FNTB: variants seen among roughly 807,000 people sequenced by gnomAD.
FNTB encodes the protein farnesyltransferase, CAAX box, subunit beta.
Under a neutral mutation model 59.4 loss-of-function variants are expected in FNTB, and 27 were observed. The observed-to-expected ratio is 0.45, with a 90% CI of 0.34 to 0.63. FNTB has a LOEUF of 0.63. Among genes scored for constraint, FNTB ranks in the 20% least tolerant of loss-of-function variants. The pLI is 0.02. For synonymous variants in FNTB, 230 were observed against 220.7 expected (o/e 1.04, Z -0.37); for missense variants, 449 against 559.6 (o/e 0.80, Z 1.99).
At chr14:65,013,713 A>G (rs969738506) in intron 3 of FNTB, among the ~76,000 whole-genome samples, 1 of 151,994 alleles carries the variant, frequency 6.6e-6, no homozygotes, top group Admixed American at 6.6e-5. Flanking sequence ...ACGCCTGGCT[A>G]ATTTTTGTAT....
chr14:65,030,901 G>A lies in FNTB; in HGVS notation c.606-1709G>A, dbSNP rs971854846. ...TGGCTCACTGCAACCTCTGTCTCTGGGGTTCAAACGATTCTCCTGCCTCGG... is the reference window on the plus strand; with the variant it reads ...TGGCTCACTGCAACCTCTGTCTCTGAGGTTCAAACGATTCTCCTGCCTCGG... On this transcript the variant is annotated intron_variant, in intron 6 of 11. Coordinates refer to ENST00000246166, the MANE Select transcript of FNTB (RefSeq NM_002028.4). This position sits in a 1 kb window ranked among gnomAD's most constrained non-coding sequence, Gnocchi z 4.5. Among the ~76,000 whole-genome samples, 1 of 152,138 alleles carries A rather than the reference G, an allele frequency of 6.6e-6. No homozygotes were observed. Among genetic ancestry groups the A allele is most frequent in the African/African-American group, 2.4e-5 (1 of 41,430 alleles).
intron 2 of FNTB, chr14:65,006,302 G>GA (rs1407801010): frequency 1.2e-6 from 2 of 1,612,496 alleles, no homozygotes; most frequent in Admixed American, 1.7e-5. Flanking sequence ...AGGAAAGGAG[G>GA]AAAAATATCA....
chr14:65,052,484 G>A (rs890498213), intron 9 of FNTB, among the ~76,000 whole-genome samples: 9 of 152,074 alleles, frequency 5.9e-5, no homozygotes, highest in African/African-American at 1.4e-4. Context: ...ATTTTTAATC[G>A]ATTTCTATGC....
chr14:65,048,632 C>G (rs1354441437), intron 9 of FNTB, among the ~76,000 whole-genome samples: 3 of 152,168 alleles, frequency 2.0e-5, no homozygotes, highest in Non-Finnish European at 4.4e-5. Context: ...GCAGGAGGAC[C>G]TCTTGAGCTC....
In FNTB at chr14:65,053,352, G is replaced by C. The variant is rs2062654399; in HGVS notation, c.1067+3G>C. 2.1e-6 allele frequency: 3 copies of C among 1,422,812 alleles called. No individual in the cohort carries two copies. Among genetic ancestry groups the C allele is most frequent in the Non-Finnish European group, 9.3e-7 (1 of 1,080,182 alleles). 88.1% of individuals were successfully genotyped at this position (1,422,812 alleles called of 1,614,324 possible). ...GGGCTTCTGGATAAACCTGGCAAGT[G>C]AGTGTTTTCTCTCTGGGGAGGGAAG... On this transcript the variant is annotated splice_donor_region_variant and intron_variant, in intron 10 of 11. Transcript: ENST00000246166.
At position 65,014,094 on chromosome 14, in the gene FNTB, G is replaced by A. The variant is rs2061729830; in HGVS notation, c.283-1531G>A. ...GCATAGTTTTGAAGAGAGCAGCTTG[G>A]GCCAACGGAAAGAACACTGGATTGA... On this transcript the variant is annotated intron_variant, in intron 3 of 11. Transcript: ENST00000246166. This position sits in a 1 kb window ranked among gnomAD's most constrained non-coding sequence, Gnocchi z 5.1. Among the ~76,000 whole-genome samples, 1 of 152,140 alleles carries A rather than the reference G, an allele frequency of 6.6e-6. No homozygotes were observed. Among genetic ancestry groups the A allele is most frequent in the Non-Finnish European group, 1.5e-5 (1 of 68,032 alleles).
chr14:65,027,915 G>T lies in FNTB; in HGVS notation c.605+134G>T. The stretch of plus-strand genomic sequence containing the variant: ...GAATGACACATGGGATGACATGTCA[G>T]TGACACGTCAGAATCATTCAGATGT... On this transcript the variant is annotated intron_variant, in intron 6 of 11. Coordinates refer to ENST00000246166, the MANE Select transcript of FNTB (RefSeq NM_002028.4). This position sits in a 1 kb window ranked among gnomAD's most constrained non-coding sequence, Gnocchi z 5.7. 8.9e-7 allele frequency: 1 copy of T among 1,121,766 alleles called. No individual in the cohort carries two copies. Among genetic ancestry groups the T allele is most frequent in the South Asian group, 1.4e-5 (1 of 69,228 alleles). The allele number at this position is 1,121,766 out of a possible 1,614,324, so 69.5% of individuals were successfully genotyped here. A position where few individuals can be genotyped will look rare whatever the true frequency, so the allele number is the denominator to read the frequency against.
intron 9 of FNTB, among the ~76,000 whole-genome samples, chr14:65,048,719 G>A (rs965444544): frequency 2.0e-5 from 3 of 152,074 alleles, no homozygotes; most frequent in African/African-American, 7.2e-5. Context: ...ACCAGACATG[G>A]TGGCACATGC....
At chr14:65,016,574 G>C (rs1235042377) in intron 4 of FNTB, 1 of 152,184 alleles carries the variant, frequency 6.6e-6, no homozygotes, top group Non-Finnish European at 1.5e-5. Context: ...GGGACACACA[G>C]AGGCCTAGCC....
chr14:64,989,272 CAAA>C (rs58654871), intron 1 of FNTB, among the ~76,000 whole-genome samples: 4 of 69,936 alleles, frequency 5.7e-5, no homozygotes, highest in Non-Finnish European at 5.9e-5. Context: ...CTGTCTCTAC[CAAA>C]AAAAAAAAAA....
At position 64,997,351 on chromosome 14, in the gene FNTB, G is replaced by A. The variant is rs954014653; in HGVS notation, c.145-6898G>A. Among the ~76,000 whole-genome samples, 3 of 152,106 alleles carry A rather than the reference G, an allele frequency of 2.0e-5. No homozygotes were observed. Among genetic ancestry groups the A allele is most frequent in the Non-Finnish European group, 2.9e-5 (2 of 68,018 alleles). ...CCCACCCACAGGCTGACTCAGTGCC[G>A]GAGGACCATCTTCCTTCCACATCCC... On this transcript the variant is annotated intron_variant, in intron 1 of 11. Coordinates refer to ENST00000246166, the MANE Select transcript of FNTB (RefSeq NM_002028.4). This position sits in a 1 kb window ranked among gnomAD's most constrained non-coding sequence, Gnocchi z 4.5.
rs993532003 is a variant in FNTB at position 65,027,511 on chromosome 14, G to A, written c.433G>A (p.Gly145Ser). The change falls in exon 5 of 12, where the codon GGT becomes AGT. Residue 145 changes from glycine to serine, a missense_variant. By Grantham distance (56) the Gly-to-Ser change is moderately conservative. Coordinates refer to ENST00000246166, the MANE Select transcript of FNTB (RefSeq NM_002028.4). The surrounding 1 kb of genome is among the most constrained non-coding windows in gnomAD (Gnocchi z 5.7). ...AGAAGGTGGCTTTGGAGGAGGACCC[G>A]GTCAGTATCCACACCTTGCACCCAC... ...SPEGGFGGGP[G>S]QYPHLAPTYA... 17 of 1,614,058 alleles carry A rather than the reference G, an allele frequency of 1.1e-5. No individual in the cohort carries two copies. Among genetic ancestry groups the A allele is most frequent in the South Asian group, 2.2e-5 (2 of 91,088 alleles).
chr14:65,030,832 G>T lies in FNTB; in HGVS notation c.606-1778G>T, dbSNP rs533478900. ...TTTTTGTTTGTTTTGTTTTGAGATG[G>T]AGTTTCTTTCTGTTGCCCAGGCAGG... On this transcript the variant is annotated intron_variant, in intron 6 of 11. Coordinates refer to ENST00000246166, the MANE Select transcript of FNTB (RefSeq NM_002028.4). The surrounding 1 kb of genome is among the most constrained non-coding windows in gnomAD (Gnocchi z 4.5). Among the ~76,000 whole-genome samples, 9 of 152,146 alleles carry T rather than the reference G, an allele frequency of 5.9e-5. No homozygotes were observed. The highest frequency in any genetic ancestry group is 2.2e-4 in the African/African-American group (9 of 41,526).
chr14:64,995,109 C>G (rs1034008814), intron 1 of FNTB, among the ~76,000 whole-genome samples: 1 of 152,112 alleles, frequency 6.6e-6, no homozygotes, highest in Non-Finnish European at 1.5e-5. Flanking sequence ...GACACAAACG[C>G]ACACATTAGC....
chr14:65,027,869 G>C lies in FNTB; in HGVS notation c.605+88G>C. ...ATGCCAAGCCTAAGGAACATCATGGGGAAGCTGCTGCTTTGTCCCAGAATG... is the reference window on the plus strand; with the variant it reads ...ATGCCAAGCCTAAGGAACATCATGGCGAAGCTGCTGCTTTGTCCCAGAATG... On this transcript the variant is annotated intron_variant, in intron 6 of 11. Coordinates refer to ENST00000246166, the MANE Select transcript of FNTB (RefSeq NM_002028.4). The surrounding 1 kb of genome is among the most constrained non-coding windows in gnomAD (Gnocchi z 5.7). The C allele has an allele frequency of 1.9e-6, 3 of 1,545,584 alleles. No homozygotes were observed. Among genetic ancestry groups the C allele is most frequent in the Admixed American group, 3.6e-5 (2 of 54,862 alleles).
rs957730399 is a variant in FNTB, at chr14:64,994,432, A to G, written c.144+7335A>G. ...AATTTCCTTGTCATGTGAACATCAT[A>G]GAGTGTACTTAACACAAATGTAGAT... On this transcript the variant is annotated intron_variant, in intron 1 of 11. Transcript: ENST00000246166. The surrounding 1 kb of genome is among the most constrained non-coding windows in gnomAD (Gnocchi z 4.2). Among the ~76,000 whole-genome samples, 6 of 152,228 alleles carry G rather than the reference A, an allele frequency of 3.9e-5. No homozygotes were observed. The highest frequency in any genetic ancestry group is 7.2e-5 in the African/African-American group (3 of 41,446).
In FNTB at chr14:65,044,764, T is replaced by C. The variant is rs560844443; in HGVS notation, c.955+321T>C. On this transcript the variant is annotated intron_variant, in intron 9 of 11. Transcript: ENST00000246166. This position sits in a 1 kb window ranked among gnomAD's most constrained non-coding sequence, Gnocchi z 5.5. ...AGCAGCCCACTCCTGTCCTGGGCTC[T>C]GTGGTGATTGCCACCTCCTCTGGGT... The C allele has an allele frequency of 2.6e-5, 8 of 308,892 alleles. No homozygotes were observed. In the Admixed American group the frequency reaches 2.8e-4, roughly 11 times the overall value. The allele number at this position is 308,892 out of a possible 1,614,324, so 19.1% of individuals were successfully genotyped here. A position where few individuals can be genotyped will look rare whatever the true frequency, so the allele number is the denominator to read the frequency against.
rs1477798116 is a variant in FNTB at position 65,061,478 on chromosome 14, A to G, written c.*166A>G. On this transcript the variant is annotated 3_prime_UTR_variant, in exon 12 of 12. Transcript: ENST00000246166. ...ACAAAACCAATGGCTCTGGGTTTGGAGAACACAGTGGCTGGTTTTAAAAAT... is the reference window on the plus strand; with the variant it reads ...ACAAAACCAATGGCTCTGGGTTTGGGGAACACAGTGGCTGGTTTTAAAAAT... The G allele has an allele frequency of 4.1e-6, 5 of 1,217,718 alleles. No individual in the cohort carries two copies. The African/African-American group carries it at 6.1e-5, about 15-fold the overall frequency. 75.4% of individuals were successfully genotyped at this position (1,217,718 alleles called of 1,614,324 possible).
At chr14:65,026,391 AG>A (rs113115174) in intron 4 of FNTB, among the ~76,000 whole-genome samples, 4 of 152,324 alleles carry the variant, frequency 2.6e-5, no homozygotes, top group African/African-American at 9.6e-5. Flanking sequence ...CCCCTCAGTG[AG>A]GGAATGGGAG....
Sources: allele counts gnomAD v4.1 joint callset (sites outside exome capture counted in the v4.1 genomes callset), GRCh38; gene constraint gnomAD v4.1.1; non-coding constraint Gnocchi (gnomAD v3.1); transcripts MANE v1.5; gene names NCBI Gene and HGNC (gene_info 2026-07-23, HGNC 2026-07-21).